Variants in PCLO observed in about 807,000 individuals in gnomAD.
PCLO encodes the protein piccolo presynaptic cytomatrix protein.
PCLO carries 82 observed loss-of-function variants against 427.5 expected under a neutral mutation model. The ratio of observed to expected loss-of-function variants is 0.19; its 90% CI spans 0.16 to 0.23. The LOEUF (loss-of-function observed/expected upper bound fraction) is 0.23. PCLO is among the 10% of genes least tolerant of loss of function. The pLI is 1.00. For missense variants in PCLO, 6,239 were observed against 6,115.9 expected, an observed-to-expected ratio of 1.02 and a Z score of -0.67; for synonymous variants, 2,357 against 2,155.4, an observed-to-expected ratio of 1.09 and a Z score of -2.59.
At chr7:82,945,287 G>T (rs1584193465) in intron 6 of PCLO, among the ~76,000 whole-genome samples, 1 of 152,258 alleles carries the variant, frequency 6.6e-6, no homozygotes, top group Non-Finnish European at 1.5e-5. Flanking sequence ...CAGACTGACA[G>T]GGTCTTGAAA....
chr7:83,097,600 C>T (rs367781348), intron 3 of PCLO, among the ~76,000 whole-genome samples: 2 of 145,208 alleles, frequency 1.4e-5, no homozygotes, highest in African/African-American at 2.5e-5. Flanking sequence ...AAAGGGCTTA[C>T]TCCTCTGTTT....
intron 3 of PCLO, among the ~76,000 whole-genome samples, chr7:83,074,472 C>G (rs538403127): frequency 6.6e-6 from 1 of 151,316 alleles, no homozygotes; most frequent in Non-Finnish European, 1.5e-5. Context: ...AGATAAAATG[C>G]CCAGATAGGC....
intron 20 of PCLO, among the ~76,000 whole-genome samples, chr7:82,811,447 A>G (rs1791568399): frequency 6.6e-6 from 1 of 151,232 alleles, no homozygotes; most frequent in African/African-American, 2.4e-5. Flanking sequence ...TTTTTACTAA[A>G]GGGATTTTGC....
At chr7:82,892,083 G>T (rs1277311984) in intron 9 of PCLO, among the ~76,000 whole-genome samples, 9 of 151,956 alleles carry the variant, frequency 5.9e-5, no homozygotes, top group African/African-American at 2.2e-4. Flanking sequence ...CTACTTTAAA[G>T]TTCATATGGA....
At chr7:83,060,361 T>C (rs1048212554) in intron 3 of PCLO, among the ~76,000 whole-genome samples, 1 of 152,142 alleles carries the variant, frequency 6.6e-6, no homozygotes, top group African/African-American at 2.4e-5. Context: ...AATTGCCAGC[T>C]GCTCTGCCAA....
intron 3 of PCLO, among the ~76,000 whole-genome samples, chr7:83,040,081 T>C (rs1478041860): frequency 6.6e-6 from 1 of 152,158 alleles, no homozygotes; most frequent in Admixed American, 6.6e-5. Flanking sequence ...AGGATTTTTC[T>C]ATATATAAGA....
intron 6 of PCLO, among the ~76,000 whole-genome samples, chr7:82,937,871 G>T (rs899260871): frequency 6.6e-6 from 1 of 151,780 alleles, no homozygotes; most frequent in East Asian, 1.9e-4. Flanking sequence ...CTTGCTATGA[G>T]ACTAAAATAA....
chr7:83,037,258 A>G (rs902191418), intron 3 of PCLO, among the ~76,000 whole-genome samples: 5 of 152,070 alleles, frequency 3.3e-5, no homozygotes, highest in African/African-American at 9.7e-5. Flanking sequence ...ACAGTTTTCT[A>G]TAGGAGAATC....
At position 82,953,484 on chromosome 7, in the gene PCLO, G is replaced by A; in HGVS notation, c.7469C>T (p.Pro2490Leu). The change falls in exon 5 of 25, where the codon CCA becomes CTA. Residue 2490 changes from proline (P) to leucine (L), a missense_variant. Transcript: ENST00000333891. ...TACAAGTCCAGATGGAATTGAAGAT[G>A]GCTTAGGAGGAACAGGAGGAGGTGC... The part of the protein sequence containing the change: ...TTAPPPVPPK[P>L]SSIPSGLVFT... 6.2e-7 allele frequency: 1 copy of A among 1,613,482 alleles called. No homozygotes were observed. The highest frequency in any genetic ancestry group is 8.5e-7 in the Non-Finnish European group (1 of 1,179,794).
intron 3 of PCLO, among the ~76,000 whole-genome samples, chr7:83,026,372 T>A (rs1431603373): frequency 1.3e-5 from 2 of 152,004 alleles, no homozygotes; most frequent in Non-Finnish European, 2.9e-5. Flanking sequence ...CATTACATAA[T>A]GGTAAAGGGA....
In PCLO at chr7:82,915,351, A is replaced by G; in HGVS notation, c.12635T>C (p.Leu4212Pro). Residue 4212 changes from leucine (L) to proline (P), a missense_variant, in exon 7 of 25, where the codon CTT (leucine) becomes CCT (proline). By Grantham distance (98) the Leu-to-Pro change is moderately conservative. Around this residue, in one of 5 missense-constraint regions of PCLO, gnomAD observed 680 missense variants for 677.3 expected, o/e 1.00. Coordinates refer to ENST00000333891, the MANE Select transcript of PCLO (RefSeq NM_033026.6). ...CATATAGCTTGAATAATCAGGTTCAAGGTCTCTACTTTCTTGAATAGGTGA... is the reference window on the plus strand; with the variant it reads ...CATATAGCTTGAATAATCAGGTTCAGGGTCTCTACTTTCTTGAATAGGTGA... The part of the protein sequence containing the change: ...KFSPIQESRD[L>P]EPDYSSYMTS... 6.2e-7 allele frequency: 1 copy of G among 1,613,532 alleles called. No homozygotes were observed. The highest frequency in any genetic ancestry group is 1.1e-5 in the South Asian group (1 of 91,082).
rs959930887 is a variant in PCLO, at chr7:82,880,963, G to A, written c.13529-1501C>T. ...CCAATACTTTAGACACATATTTTGGGGCTTTCCTTCTATTTGAATATCTTT... is the reference window on the plus strand; with the variant it reads ...CCAATACTTTAGACACATATTTTGGAGCTTTCCTTCTATTTGAATATCTTT... On this transcript the variant is annotated intron_variant, in intron 9 of 24. Coordinates refer to ENST00000333891, the MANE Select transcript of PCLO (RefSeq NM_033026.6). Among the ~76,000 whole-genome samples the A allele has an allele frequency of 1.4e-4, 22 of 152,020 alleles. 1 individual carries two copies. Among genetic ancestry groups the A allele is most frequent in the Admixed American group, 5.2e-4 (8 of 15,248 alleles).
intron 22 of PCLO, among the ~76,000 whole-genome samples, chr7:82,779,604 A>G (rs1790826446): frequency 6.6e-6 from 1 of 152,126 alleles, no homozygotes; most frequent in South Asian, 2.1e-4. Context: ...AATCTTACTT[A>G]GAATGAAGAA....
intron 6 of PCLO, among the ~76,000 whole-genome samples, chr7:82,929,992 G>A (rs895651838): frequency 1.3e-5 from 2 of 152,126 alleles, no homozygotes; most frequent in African/African-American, 4.8e-5. Context: ...AGCTTTCAGA[G>A]CTTAGAAAAA....
chr7:82,951,457 C>T lies in PCLO; in HGVS notation c.9131G>A (p.Gly3044Asp). 2 of 1,582,062 alleles carry T rather than the reference C, an allele frequency of 1.3e-6. No homozygotes were observed. The highest frequency in any genetic ancestry group is 3.3e-4 in the Middle Eastern group (2 of 6,012). ...GACTTGTCGTGTTTCTGGATATGGA[C>T]CTGTAGTCTTGCTTGAATAATCCAT... ...EVMDYSSKTT[G>D]PYPETRQVIS... The change falls in exon 6 of 25, where the codon GGT becomes GAT. Residue 3044 changes from glycine (G) to aspartate (D), a missense_variant. This residue lies in a region of PCLO where 4,677 missense variants were observed against 4,468.4 expected (regional missense o/e 1.05). Coordinates refer to ENST00000333891, the MANE Select transcript of PCLO (RefSeq NM_033026.6).
chr7:83,085,570 G>A (rs945674358), intron 3 of PCLO, among the ~76,000 whole-genome samples: 5 of 152,144 alleles, frequency 3.3e-5, no homozygotes, highest in East Asian at 1.9e-4. Context: ...TTCGTATTTC[G>A]GAGTGCCAAA....
rs1033067408 is a variant in PCLO, at chr7:82,925,061, T to G, written c.11113-8188A>C. Among the ~76,000 whole-genome samples the G allele has an allele frequency of 2.6e-5, 4 of 152,116 alleles. No homozygotes were observed. In the East Asian group the frequency reaches 7.7e-4, roughly 29 times the overall value. ...ATCTTCATCCAGGAACTGCACTGAC[T>G]TTGAATACAAGAATAAGCCTTTTCT... On this transcript the variant is annotated intron_variant, in intron 6 of 24. Transcript: ENST00000333891.
intron 20 of PCLO, among the ~76,000 whole-genome samples, chr7:82,812,669 G>A: frequency 6.6e-6 from 1 of 151,592 alleles, no homozygotes; most frequent in Admixed American, 6.6e-5. Context: ...CTGAGTTCCG[G>A]TTTGGTGCTA....
At chr7:83,120,227 C>T (rs1028297511) in intron 3 of PCLO, among the ~76,000 whole-genome samples, 2 of 151,572 alleles carry the variant, frequency 1.3e-5, no homozygotes, top group Admixed American at 1.3e-4. Context: ...CATAGCAAAT[C>T]CTAATCTCTA....
Sources: gnomAD v4.1 joint callset for allele counts (sites outside exome capture counted in the v4.1 genomes callset) on GRCh38, gnomAD v4.1.1 for gene constraint, gnomAD v4.1.1 regional missense constraint, MANE v1.5 for transcripts, NCBI Gene and HGNC (gene_info 2026-07-23, HGNC 2026-07-21) for gene names.